The following B3GALT1 variants were observed in gnomAD, a reference collection of about 807,000 sequenced individuals.
B3GALT1 encodes the protein UDP-Gal:betaGlcNAc beta 1,3-galactosyltransferase, polypeptide 1.
B3GALT1 carries 10 observed loss-of-function variants against 23.2 expected under a neutral mutation model. The observed-to-expected ratio is 0.43, with a 90% CI of 0.27 to 0.73. B3GALT1 has a LOEUF of 0.73. Among genes scored for constraint, B3GALT1 ranks in the 30% least tolerant of loss-of-function variants. The pLI, the probability that B3GALT1 is intolerant of heterozygous loss-of-function variation, is 0.21. For missense variants in B3GALT1, 299 were observed against 405.4 expected, an observed-to-expected ratio of 0.74 and a Z score of 2.25; for synonymous variants, 156 against 141.5, an observed-to-expected ratio of 1.10 and a Z score of -0.73.
At position 167,667,696 on chromosome 2, in the gene B3GALT1, T is replaced by C. The variant is rs189872597; in HGVS notation, c.-352+20730T>C. Among the ~76,000 whole-genome samples the C allele has an allele frequency of 7.5e-3, 1,138 of 152,328 alleles. 10 individuals carry two copies. Among genetic ancestry groups the C allele is most frequent in the Non-Finnish European group, 0.013 (892 of 68,034 alleles). ...AACTTCCCTTCTCGCTTCATTTCAT[T>C]CATTTCATCTTCCATCGCTGATGCC... On this transcript the variant is annotated intron_variant, in intron 3 of 4. Coordinates refer to ENST00000392690, the MANE Select transcript of B3GALT1 (RefSeq NM_020981.4).
chr2:167,702,818 A>G (rs753432270), intron 3 of B3GALT1, among the ~76,000 whole-genome samples: 6 of 152,242 alleles, frequency 3.9e-5, no homozygotes, highest in Non-Finnish European at 7.3e-5. Flanking sequence ...AGTCTTGTGC[A>G]TAGTTTATAA....
chr2:167,720,970 GTTGTTATTGTTA>G (rs761333397), intron 3 of B3GALT1, among the ~76,000 whole-genome samples: 2 of 152,052 alleles, frequency 1.3e-5, no homozygotes, highest in South Asian at 2.1e-4. Flanking sequence ...ATTGTATGTT[GTTGTTATTGTTA>G]TTGTTATTGT....
At chr2:167,354,844 C>T (rs1280013687) in intron 1 of B3GALT1, among the ~76,000 whole-genome samples, 1 of 152,174 alleles carries the variant, frequency 6.6e-6, no homozygotes, top group Non-Finnish European at 1.5e-5. Flanking sequence ...TTATTGTCTT[C>T]CTGCGCAGTC....
rs145322550 is a variant in B3GALT1, at chr2:167,631,840, G to A, written c.-409-15069G>A. ...ATACTTTAAGTTCCGGGATACATGT[G>A]CAGAATGTGCAGGTTTGTTACATAG... On this transcript the variant is annotated intron_variant, in intron 2 of 4. Coordinates refer to ENST00000392690, the MANE Select transcript of B3GALT1 (RefSeq NM_020981.4). Among the ~76,000 whole-genome samples the A allele has an allele frequency of 7.8e-3, 1,122 of 142,990 alleles. 17 individuals carry two copies. Among genetic ancestry groups the A allele is most frequent in the African/African-American group, 0.027 (1,041 of 38,176 alleles). 93.8% of individuals were successfully genotyped at this position (142,990 alleles called of 152,430 possible).
intron 1 of B3GALT1, among the ~76,000 whole-genome samples, chr2:167,324,774 C>T (rs916788384): frequency 1.3e-5 from 2 of 151,816 alleles, no homozygotes; most frequent in Admixed American, 6.6e-5. Flanking sequence ...AACTGTAGTC[C>T]CCCGACTCTG....
At chr2:167,447,876 C>T (rs1036130251) in intron 1 of B3GALT1, among the ~76,000 whole-genome samples, 2 of 152,070 alleles carry the variant, frequency 1.3e-5, no homozygotes, top group African/African-American at 4.8e-5. Context: ...GTCTGACAAG[C>T]CCCAGTGAGA....
At chr2:167,415,799 G>T (rs1026763041) in intron 1 of B3GALT1, among the ~76,000 whole-genome samples, 6 of 152,186 alleles carry the variant, frequency 3.9e-5, no homozygotes, top group African/African-American at 1.4e-4. Context: ...AACTGGCAAA[G>T]AACTTGGCTG....
At chr2:167,559,302 C>G (rs914125577) in intron 2 of B3GALT1, among the ~76,000 whole-genome samples, 12 of 152,192 alleles carry the variant, frequency 7.9e-5, no homozygotes, top group Non-Finnish European at 1.5e-4. Flanking sequence ...AAAAACCCAT[C>G]TGTACATCAC....
chr2:167,564,289 C>T (rs565198421), intron 2 of B3GALT1, among the ~76,000 whole-genome samples: 4 of 149,064 alleles, frequency 2.7e-5, no homozygotes, highest in East Asian at 4.0e-4. Context: ...GACGCTCCCC[C>T]CCTCCCAGAT....
intron 2 of B3GALT1, among the ~76,000 whole-genome samples, chr2:167,522,146 G>A (rs1030970158): frequency 6.6e-6 from 1 of 151,662 alleles, no homozygotes; most frequent in Non-Finnish European, 1.5e-5. Flanking sequence ...CTGCCATAAG[G>A]CTTCTAGAAG....
chr2:167,551,556 G>A (rs1683746609), intron 2 of B3GALT1, among the ~76,000 whole-genome samples: 1 of 151,958 alleles, frequency 6.6e-6, no homozygotes, highest in Admixed American at 6.6e-5. Context: ...TCACAGAAAT[G>A]TCGTGCCAGG....
intron 2 of B3GALT1, among the ~76,000 whole-genome samples, chr2:167,568,132 T>G (rs1478677042): frequency 6.6e-6 from 1 of 152,180 alleles, no homozygotes; most frequent in Non-Finnish European, 1.5e-5. Flanking sequence ...ATTCACCTAC[T>G]GAAGGACATC....
At chr2:167,509,676 C>T (rs971053439) in intron 2 of B3GALT1, among the ~76,000 whole-genome samples, 2 of 152,052 alleles carry the variant, frequency 1.3e-5, no homozygotes, top group Non-Finnish European at 1.5e-5. Flanking sequence ...CGAGAGAATG[C>T]CTGGCATGGT....
chr2:167,573,558 A>G (rs1303946636), intron 2 of B3GALT1, among the ~76,000 whole-genome samples: 1 of 151,726 alleles, frequency 6.6e-6, no homozygotes, highest in Non-Finnish European at 1.5e-5. Flanking sequence ...TTTATAGGAT[A>G]CTGAATAATA....
intron 1 of B3GALT1, among the ~76,000 whole-genome samples, chr2:167,475,252 T>A (rs1699471573): frequency 6.6e-6 from 1 of 152,112 alleles, no homozygotes; most frequent in African/African-American, 2.4e-5. Context: ...GTCCAGCATA[T>A]CCACACTGGA....
chr2:167,544,452 G>A (rs1258904828), intron 2 of B3GALT1, among the ~76,000 whole-genome samples: 1 of 151,972 alleles, frequency 6.6e-6, no homozygotes, highest in African/African-American at 2.4e-5. Flanking sequence ...AGGCCGCCAC[G>A]CGTGGCTAAT....
At chr2:167,700,161 G>T (rs2105508936) in intron 3 of B3GALT1, among the ~76,000 whole-genome samples, 1 of 152,246 alleles carries the variant, frequency 6.6e-6, no homozygotes, top group Middle Eastern at 3.4e-3. Context: ...GAGGCAGCAG[G>T]ATCCTTTGAG....
chr2:167,714,882 T>C (rs1338624975), intron 3 of B3GALT1: 10 of 1,609,832 alleles, frequency 6.2e-6, no homozygotes, highest in Non-Finnish European at 8.5e-6. Context: ...CTGTGGAGTG[T>C]CATTTCATTT....
At chr2:167,726,145 T>C (rs769204228) in intron 3 of B3GALT1, among the ~76,000 whole-genome samples, 17 of 152,194 alleles carry the variant, frequency 1.1e-4, no homozygotes. Flanking sequence ...GGAACTTATC[T>C]AAGGGACTCA....
Sources: allele counts gnomAD v4.1 joint callset (sites outside exome capture counted in the v4.1 genomes callset), GRCh38; gene constraint gnomAD v4.1.1; transcripts MANE v1.5; gene names NCBI Gene and HGNC (gene_info 2026-07-23, HGNC 2026-07-21).